The following BCAR3 variants were observed in gnomAD, a reference collection of about 807,000 sequenced individuals.
BCAR3 encodes the protein BCAR3 adaptor protein, NSP family member.
In BCAR3, 37 loss-of-function variants were observed where a neutral mutation model predicts 80.1. The ratio of observed to expected loss-of-function variants is 0.46; its 90% CI spans 0.36 to 0.61. The LOEUF is 0.61. Ranked by LOEUF, BCAR3 falls within the 20% of genes least tolerant of loss-of-function variation. The pLI is 0.00. For missense variants in BCAR3, 978 were observed against 1,068.2 expected (o/e 0.92, Z 1.18); for synonymous variants, 389 against 418.9 (o/e 0.93, Z 0.87).
chr1:93,842,308 C>A (rs751436410), intron 2 of BCAR3, among the ~76,000 whole-genome samples: 1 of 152,036 alleles, frequency 6.6e-6, no homozygotes, highest in South Asian at 2.1e-4. Context: ...TGTGCCACCA[C>A]ACCTGGGTAA....
At chr1:93,765,828 G>T (rs528214539) in intron 2 of BCAR3, among the ~76,000 whole-genome samples, 1 of 151,766 alleles carries the variant, frequency 6.6e-6, no homozygotes, top group Non-Finnish European at 1.5e-5. Flanking sequence ...CACCATGCCC[G>T]GCTAATTTTT....
chr1:93,587,695 CCCCG>C lies in BCAR3; in HGVS notation c.929+1278_929+1281del, dbSNP rs1200401651. ...GTTTATGACATTTCCTCATGGACCC[CCCCG>C]CCAAAAAAAAAAACCAGTGAGTAGA... On this transcript the variant is annotated intron_variant, in intron 5 of 11. Coordinates refer to ENST00000260502, the MANE Select transcript of BCAR3 (RefSeq NM_003567.4). 1.9e-4 allele frequency among the ~76,000 whole-genome samples: 29 copies of C among 149,078 alleles called. 1 individual carries two copies. The highest frequency in any genetic ancestry group is 5.6e-4 in the African/African-American group (22 of 39,032).
At chr1:93,624,214 C>T (rs1365915788) in intron 3 of BCAR3, among the ~76,000 whole-genome samples, 1 of 152,162 alleles carries the variant, frequency 6.6e-6, no homozygotes, top group Admixed American at 6.5e-5. Flanking sequence ...GAGGATGTTT[C>T]CAAAAGGCTT....
intron 2 of BCAR3, among the ~76,000 whole-genome samples, chr1:93,706,417 T>C (rs1649830047): frequency 6.6e-6 from 1 of 152,124 alleles, no homozygotes; most frequent in African/African-American, 2.4e-5. Context: ...TTCCCTTATT[T>C]GCCAGGGAAG....
At chr1:93,844,243 G>A (rs991524134) in intron 2 of BCAR3, among the ~76,000 whole-genome samples, 4 of 152,156 alleles carry the variant, frequency 2.6e-5, no homozygotes, top group African/African-American at 9.7e-5. Context: ...GGAAATGGAG[G>A]TTGCAGTGAG....
chr1:93,576,132 G>C lies in BCAR3; in HGVS notation c.1687-3C>G. 1.2e-6 allele frequency: 2 copies of C among 1,611,912 alleles called. No homozygotes were observed. Among genetic ancestry groups the C allele is most frequent in the Non-Finnish European group, 1.7e-6 (2 of 1,178,038 alleles). ...GAGACTCCAAGTATCCTAGCAACCT[G>C]TCAAGAGCCAAAGTTGAAATACACT... On this transcript the variant is annotated splice_region_variant and splice_polypyrimidine_tract_variant and intron_variant, in intron 7 of 11. Transcript: ENST00000260502.
At chr1:93,736,171 T>C (rs1434678946) in intron 2 of BCAR3, among the ~76,000 whole-genome samples, 1 of 152,184 alleles carries the variant, frequency 6.6e-6, no homozygotes, top group Non-Finnish European at 1.5e-5. Flanking sequence ...TGAAGAGATG[T>C]GATAAGAAGT....
intron 1 of BCAR3, among the ~76,000 whole-genome samples, chr1:93,676,051 C>G (rs1186930822): frequency 6.6e-6 from 1 of 151,224 alleles, no homozygotes; most frequent in Non-Finnish European, 1.5e-5. Flanking sequence ...GCCCAACATA[C>G]AGCCCTTCCC....
intron 3 of BCAR3, among the ~76,000 whole-genome samples, chr1:93,597,711 G>A (rs1674471817): frequency 6.6e-6 from 1 of 152,172 alleles, no homozygotes; most frequent in Admixed American, 6.5e-5. Flanking sequence ...TATAAAATAA[G>A]CAGACTTCAT....
intron 2 of BCAR3, among the ~76,000 whole-genome samples, chr1:93,765,719 T>C (rs911873845): frequency 1.4e-4 from 21 of 151,422 alleles, no homozygotes; most frequent in African/African-American, 4.8e-4. Flanking sequence ...CAGGCTGGAG[T>C]GCAGTGGCAC....
chr1:93,714,324 T>C (rs1650125914), intron 2 of BCAR3, among the ~76,000 whole-genome samples: 1 of 152,232 alleles, frequency 6.6e-6, no homozygotes, highest in South Asian at 2.1e-4. Flanking sequence ...GAAATGTATT[T>C]CTTCCCATAT....
At chr1:93,809,172 A>G (rs1397409367) in intron 2 of BCAR3, among the ~76,000 whole-genome samples, 1 of 152,238 alleles carries the variant, frequency 6.6e-6, no homozygotes, top group Non-Finnish European at 1.5e-5. Context: ...GTTGAGGAGG[A>G]GATGGAGAAA....
intron 3 of BCAR3, among the ~76,000 whole-genome samples, chr1:93,613,130 G>C (rs1395287759): frequency 6.6e-6 from 1 of 152,192 alleles, no homozygotes; most frequent in Non-Finnish European, 1.5e-5. Context: ...TCCGCAGTCA[G>C]GCTGGGGCCG....
At chr1:93,707,435 C>A (rs745642892) in intron 2 of BCAR3, among the ~76,000 whole-genome samples, 23 of 152,110 alleles carry the variant, frequency 1.5e-4, no homozygotes, top group Non-Finnish European at 2.4e-4. Context: ...ATAGGCCGGG[C>A]ATGGTGGCTC....
intron 2 of BCAR3, among the ~76,000 whole-genome samples, chr1:93,781,868 T>C (rs533214984): frequency 6.5e-4 from 99 of 152,362 alleles, no homozygotes; most frequent in Admixed American, 1.2e-3. Context: ...ATTAGGCACC[T>C]GGAATCATAT....
rs183679356 is a variant in BCAR3, at chr1:93,818,125, T to C, written c.-63+27442A>G. Among the ~76,000 whole-genome samples, 103 of 152,356 alleles carry C rather than the reference T, an allele frequency of 6.8e-4. No homozygotes were observed. In the East Asian group the frequency reaches 0.018, roughly 27 times the overall value. On this transcript the variant is annotated intron_variant, in intron 2 of 13. Coordinates refer to the BCAR3 transcript ENST00000370244. ...ATGTTATTTTTCATGTGCTAGTGCT[T>C]CCCACAATTAGATTATAAGCTCTTT...
intron 2 of BCAR3, among the ~76,000 whole-genome samples, chr1:93,651,455 A>G (rs1391805588): frequency 6.6e-6 from 1 of 152,208 alleles, no homozygotes; most frequent in Admixed American, 6.5e-5. Context: ...TATCTTAGGA[A>G]ACAAGAAAAC....
At chr1:93,642,267 C>G in intron 3 of BCAR3, 37 bp downstream of exon 3, 1 of 1,605,620 alleles carries the variant, frequency 6.2e-7, no homozygotes. Flanking sequence ...ATCTACTACC[C>G]AGGGTCACGG....
intron 2 of BCAR3, among the ~76,000 whole-genome samples, chr1:93,663,666 T>G (rs912804571): frequency 1.4e-4 from 22 of 152,218 alleles, no homozygotes; most frequent in Non-Finnish European, 7.3e-5. Context: ...GCTCCTTACA[T>G]GCACAAAGAC....
Sources: allele counts gnomAD v4.1 joint callset (sites outside exome capture counted in the v4.1 genomes callset), GRCh38; gene constraint gnomAD v4.1.1; transcripts MANE v1.5; gene names NCBI Gene and HGNC (gene_info 2026-07-23, HGNC 2026-07-21).